The following MCOLN2 variants were observed in gnomAD, a reference collection of about 807,000 sequenced individuals.
MCOLN2 encodes the protein mucolipin TRP cation channel 2.
MCOLN2 carries 57 observed loss-of-function variants against 67.5 expected under a neutral mutation model. The observed-to-expected ratio is 0.84, with a 90% CI of 0.68 to 1.05. MCOLN2 has a LOEUF of 1.05. MCOLN2 is among the 50% of genes least tolerant of loss of function. The pLI, the probability that MCOLN2 is intolerant of heterozygous loss-of-function variation, is 0.00. For synonymous variants in MCOLN2, 246 were observed against 233.3 expected, an observed-to-expected ratio of 1.05 and a Z score of -0.50; for missense variants, 620 against 678.8, an observed-to-expected ratio of 0.91 and a Z score of 0.96.
At chr1:84,973,799 T>C (rs908620024) in intron 1 of MCOLN2, among the ~76,000 whole-genome samples, 4 of 152,220 alleles carry the variant, frequency 2.6e-5, no homozygotes, top group African/African-American at 9.6e-5. Context: ...ATTTAACAAC[T>C]ATCTATGTAA....
chr1:84,989,434 C>A (rs573125370), intron 1 of MCOLN2, among the ~76,000 whole-genome samples: 3 of 152,050 alleles, frequency 2.0e-5, no homozygotes, highest in Admixed American at 2.0e-4. Context: ...ATGATAGAAA[C>A]CCTACTTTGT....
chr1:84,971,144 A>C (rs1223282852), intron 1 of MCOLN2, among the ~76,000 whole-genome samples: 2 of 152,172 alleles, frequency 1.3e-5, no homozygotes, highest in Non-Finnish European at 2.9e-5. Flanking sequence ...AAATGAAAAA[A>C]CTAGCAGGAA....
chr1:84,975,794 A>T (rs1240082359), intron 1 of MCOLN2, among the ~76,000 whole-genome samples: 1 of 152,136 alleles, frequency 6.6e-6, no homozygotes, highest in Admixed American at 6.6e-5. Flanking sequence ...ATAAGACAGA[A>T]AATTCAAAAT....
chr1:84,980,905 A>G (rs1434621273), intron 1 of MCOLN2, among the ~76,000 whole-genome samples: 1 of 152,100 alleles, frequency 6.6e-6, no homozygotes, highest in East Asian at 1.9e-4. Flanking sequence ...TGCAAACTGG[A>G]GATTAACAGC....
intron 1 of MCOLN2, among the ~76,000 whole-genome samples, chr1:84,988,025 A>G (rs187062820): frequency 4.1e-4 from 62 of 152,260 alleles, no homozygotes; most frequent in Middle Eastern, 3.4e-3. Context: ...GAACTTATTC[A>G]TGTAACCAAA....
rs140281503 is a variant in MCOLN2 at position 84,961,861 on chromosome 1, A to G, written c.238-3159T>C. Among the ~76,000 whole-genome samples, 671 of 152,332 alleles carry G rather than the reference A, an allele frequency of 4.4e-3. 5 individuals carry two copies. Among genetic ancestry groups the G allele is most frequent in the African/African-American group, 0.015 (638 of 41,588 alleles). ...ATTCTGTACCAGGTAAAAACAAGAT[A>G]CTGCTCTAATTATGTACAAAGGATA... On this transcript the variant is annotated intron_variant, in intron 2 of 13. Transcript: ENST00000370608.
chr1:84,940,812 T>C (rs1202350044), intron 8 of MCOLN2, 67 bp downstream of exon 8: 1 of 1,004,846 alleles, frequency 1.0e-6, no homozygotes, highest in African/African-American at 1.6e-5. Flanking sequence ...ATATCGGTGG[T>C]CCACTGCTTG....
At chr1:84,994,023 T>A (rs1286125970) in intron 1 of MCOLN2, among the ~76,000 whole-genome samples, 2 of 152,242 alleles carry the variant, frequency 1.3e-5, no homozygotes, top group African/African-American at 4.8e-5. Context: ...ATTCATCTCC[T>A]TGTACATCTC....
At chr1:84,946,951 A>G in intron 7 of MCOLN2, 82 bp downstream of exon 7, 1 of 705,750 alleles carries the variant, frequency 1.4e-6, no homozygotes, top group East Asian at 2.5e-5. Context: ...CATGCAAACA[A>G]ACCATTTAAA....
intron 7 of MCOLN2, among the ~76,000 whole-genome samples, chr1:84,941,825 T>C (rs183643475): frequency 6.6e-6 from 1 of 152,328 alleles, no homozygotes; most frequent in East Asian, 1.9e-4. Context: ...AGAAAATTAC[T>C]TCTTGGAACA....
intron 6 of MCOLN2, among the ~76,000 whole-genome samples, chr1:84,950,424 A>G (rs1263132398): frequency 6.6e-6 from 1 of 152,222 alleles, no homozygotes. Context: ...ATTTCCTTCA[A>G]TTTAGTTCTT....
At chr1:84,970,837 A>G (rs1649643722) in intron 1 of MCOLN2, among the ~76,000 whole-genome samples, 1 of 152,222 alleles carries the variant, frequency 6.6e-6, no homozygotes, top group Non-Finnish European at 1.5e-5. Context: ...CTGGAAACAG[A>G]GAGTGCTTGA....
chr1:84,987,206 A>T (rs60824246), intron 1 of MCOLN2, among the ~76,000 whole-genome samples: 6,701 of 100,774 alleles, frequency 0.066, 164 homozygotes, highest in Middle Eastern at 0.11. Flanking sequence ...CTATCTATCT[A>T]TCTATATATA....
chr1:84,931,238 A>T, intron 12 of MCOLN2, 124 bp downstream of exon 12: 1 of 674,336 alleles, frequency 1.5e-6, no homozygotes, highest in South Asian at 1.9e-5. Flanking sequence ...GCGTCTAAAA[A>T]GTTTGTCCAC....
At chr1:84,986,093 G>A (rs147642339) in intron 1 of MCOLN2, among the ~76,000 whole-genome samples, 1 of 152,216 alleles carries the variant, frequency 6.6e-6, no homozygotes, top group African/African-American at 2.4e-5. Flanking sequence ...ATAAAAACAG[G>A]CATACAAACC....
chr1:84,939,874 A>G (rs1312820800), intron 8 of MCOLN2, among the ~76,000 whole-genome samples, 172 bp from the exon 9 acceptor site: 1 of 152,190 alleles, frequency 6.6e-6, no homozygotes, highest in African/African-American at 2.4e-5. Flanking sequence ...CTATAATCTG[A>G]GTAAGCATTC....
chr1:84,930,654 G>A (rs763949746), intron 12 of MCOLN2, among the ~76,000 whole-genome samples: 9 of 152,194 alleles, frequency 5.9e-5, no homozygotes, highest in Middle Eastern at 6.8e-3. Flanking sequence ...AAAAGGTAGC[G>A]GACTGGGTTT....
chr1:84,943,404 G>T (rs551978046), intron 7 of MCOLN2, among the ~76,000 whole-genome samples: 1 of 152,098 alleles, frequency 6.6e-6, no homozygotes, highest in Non-Finnish European at 1.5e-5. Context: ...GAAGGACAGC[G>T]TCGGGGATGG....
At position 84,926,598 on chromosome 1, in the gene MCOLN2, T is replaced by C. The variant is rs1661167706; in HGVS notation, c.*87A>G. ...TCCACAATTAAATAAGAGAGTCATT[T>C]TGGAACTGCTTGTCCAAGTCATTTG... On this transcript the variant is annotated 3_prime_UTR_variant, in exon 14 of 14. Transcript: ENST00000370608. 2.1e-6 allele frequency: 2 copies of C among 946,562 alleles called. No individual in the cohort carries two copies. The highest frequency in any genetic ancestry group is 3.1e-6 in the Non-Finnish European group (2 of 636,492). The allele number at this position is 946,562 out of a possible 1,614,324, so 58.6% of individuals were successfully genotyped here. A position where few individuals can be genotyped will look rare whatever the true frequency, so the allele number is the denominator to read the frequency against.
Sources: gnomAD v4.1 joint callset for allele counts (sites outside exome capture counted in the v4.1 genomes callset) on GRCh38, gnomAD v4.1.1 for gene constraint, MANE v1.5 for transcripts, NCBI Gene and HGNC (gene_info 2026-07-23, HGNC 2026-07-21) for gene names.